CADM1: variants seen among roughly 807,000 people sequenced by gnomAD.
CADM1 encodes the protein cell adhesion molecule 1.
A neutral mutation model predicts 53.1 loss-of-function variants in CADM1; 15 were observed. The observed-to-expected ratio is 0.28, with a 90% CI of 0.19 to 0.44. The LOEUF (loss-of-function observed/expected upper bound fraction) is 0.44, where lower values mean the gene tolerates loss of function less well. CADM1 is among the 20% of genes least tolerant of loss of function. The pLI, the probability that CADM1 is intolerant of heterozygous loss-of-function variation, is 1.00. For missense variants in CADM1, 434 were observed against 611.3 expected (o/e 0.71, Z 3.06); for synonymous variants, 281 against 243.0 (o/e 1.16, Z -1.45).
At chr11:115,321,267 A>G (rs1944818480) in intron 1 of CADM1, among the ~76,000 whole-genome samples, 1 of 152,198 alleles carries the variant, frequency 6.6e-6, no homozygotes, top group Non-Finnish European at 1.5e-5. Flanking sequence ...AAGATTGGTA[A>G]GAAGTACTGG....
At chr11:115,231,240 C>T in intron 4 of CADM1, 113 bp downstream of exon 4, 1 of 1,190,448 alleles carries the variant, frequency 8.4e-7, no homozygotes, top group South Asian at 1.2e-5. Context: ...TAAACCATAT[C>T]TAAATGAATA....
At chr11:115,501,339 C>G (rs971896930) in intron 1 of CADM1, among the ~76,000 whole-genome samples, 2 of 152,176 alleles carry the variant, frequency 1.3e-5, no homozygotes, top group Non-Finnish European at 2.9e-5. Flanking sequence ...TCTCTATCCC[C>G]GGTTTGCAAG....
At chr11:115,395,496 T>A (rs1946973010) in intron 1 of CADM1, among the ~76,000 whole-genome samples, 1 of 152,202 alleles carries the variant, frequency 6.6e-6, no homozygotes, top group South Asian at 2.1e-4. Context: ...TGGCATATTA[T>A]GCTGACATGA....
At chr11:115,352,917 A>G (rs1945772967) in intron 1 of CADM1, among the ~76,000 whole-genome samples, 1 of 152,158 alleles carries the variant, frequency 6.6e-6, no homozygotes, top group Non-Finnish European at 1.5e-5. Context: ...TTCTTCATCC[A>G]ATCTGCCACT....
chr11:115,453,413 G>C (rs957791544), intron 1 of CADM1, among the ~76,000 whole-genome samples: 1 of 150,942 alleles, frequency 6.6e-6, no homozygotes, highest in Non-Finnish European at 1.5e-5. Context: ...GAAAAGAAAA[G>C]AAACAGCAGC....
At chr11:115,335,455 G>A (rs1410211276) in intron 1 of CADM1, among the ~76,000 whole-genome samples, 1 of 152,028 alleles carries the variant, frequency 6.6e-6, no homozygotes, top group African/African-American at 2.4e-5. Flanking sequence ...ATAGCCTCAT[G>A]TATATATATA....
intron 1 of CADM1, among the ~76,000 whole-genome samples, chr11:115,390,253 C>G (rs1255431058): frequency 6.6e-6 from 1 of 152,132 alleles, no homozygotes; most frequent in Non-Finnish European, 1.5e-5. Flanking sequence ...TTTCTTACCA[C>G]TCCTGCTCAG....
At chr11:115,360,529 T>G (rs1349361800) in intron 1 of CADM1, among the ~76,000 whole-genome samples, 1 of 152,230 alleles carries the variant, frequency 6.6e-6, no homozygotes, top group Non-Finnish European at 1.5e-5. Flanking sequence ...GCATGCAGGT[T>G]AAGCGACTAC....
At chr11:115,474,067 G>A (rs1949073499) in intron 1 of CADM1, among the ~76,000 whole-genome samples, 1 of 151,772 alleles carries the variant, frequency 6.6e-6, no homozygotes, top group African/African-American at 2.4e-5. Flanking sequence ...GGCCGAGGTG[G>A]GCGGATCATG....
chr11:115,439,958 T>C (rs1261855251), intron 1 of CADM1, among the ~76,000 whole-genome samples: 3 of 152,246 alleles, frequency 2.0e-5, no homozygotes, highest in African/African-American at 7.2e-5. Context: ...AACAGCTCCA[T>C]AAATTCAGCT....
chr11:115,427,192 C>T (rs1947912728), intron 1 of CADM1, among the ~76,000 whole-genome samples: 1 of 152,216 alleles, frequency 6.6e-6, no homozygotes, highest in South Asian at 2.1e-4. Flanking sequence ...AACTCTCACA[C>T]ATGTGCACAT....
chr11:115,445,474 C>T (rs1241439368), intron 1 of CADM1, among the ~76,000 whole-genome samples: 3 of 151,518 alleles, frequency 2.0e-5, no homozygotes, highest in African/African-American at 4.9e-5. Flanking sequence ...TAATGTTATA[C>T]TATCACTATT....
At chr11:115,422,312 T>C (rs909885345) in intron 1 of CADM1, among the ~76,000 whole-genome samples, 2 of 152,176 alleles carry the variant, frequency 1.3e-5, no homozygotes, top group African/African-American at 4.8e-5. Flanking sequence ...GAAAAAATAC[T>C]GTAAAAATCA....
chr11:115,216,639 C>T (rs940989928), intron 6 of CADM1, among the ~76,000 whole-genome samples: 4 of 152,128 alleles, frequency 2.6e-5, no homozygotes, highest in Non-Finnish European at 4.4e-5. Context: ...TTGGAAACAC[C>T]AGAGGGAAAG....
intron 1 of CADM1, among the ~76,000 whole-genome samples, chr11:115,241,667 C>T (rs999991738): frequency 2.0e-5 from 3 of 152,160 alleles, no homozygotes; most frequent in South Asian, 4.1e-4. Context: ...ATGGCAGCTG[C>T]TGCTATCATC....
intron 1 of CADM1, among the ~76,000 whole-genome samples, chr11:115,435,078 C>G (rs986569343): frequency 6.6e-6 from 1 of 151,890 alleles, no homozygotes; most frequent in African/African-American, 2.4e-5. Flanking sequence ...CCAAGCTGGT[C>G]TTGAACTCCT....
chr11:115,439,500 G>T (rs148603222), intron 1 of CADM1, among the ~76,000 whole-genome samples: 1 of 152,314 alleles, frequency 6.6e-6, no homozygotes, highest in African/African-American at 2.4e-5. Context: ...GTACACTGAA[G>T]CATTGCAAGT....
intron 1 of CADM1, among the ~76,000 whole-genome samples, chr11:115,395,864 G>A (rs220873): frequency 0.015 from 2,327 of 152,194 alleles, 79 homozygotes; most frequent in African/African-American, 0.052. Flanking sequence ...AAAGATTTTA[G>A]TTGCTACATA....
rs565975360 is a variant in CADM1, at chr11:115,318,072, G to A, written c.125-77652C>T. ...TTTTTTTAATTTGAAAGCAAAATGC[G>A]TACATAACATTCACATTAAGTACCT... On this transcript the variant is annotated intron_variant, in intron 1 of 11. Coordinates refer to ENST00000331581, the MANE Select transcript of CADM1 (RefSeq NM_001301043.2). Among the ~76,000 whole-genome samples, 107 of 151,498 alleles carry A rather than the reference G, an allele frequency of 7.1e-4. 2 individuals are homozygous for A. The South Asian group carries it at 0.016, about 22-fold the overall frequency.
Sources: allele counts gnomAD v4.1 joint callset (sites outside exome capture counted in the v4.1 genomes callset), GRCh38; gene constraint gnomAD v4.1.1; transcripts MANE v1.5; gene names NCBI Gene and HGNC (gene_info 2026-07-23, HGNC 2026-07-21).